Variants in ZNF257 observed in about 807,000 individuals in gnomAD.
ZNF257 encodes zinc finger protein 257.
ZNF257 carries 12 observed loss-of-function variants against 11.9 expected under a neutral mutation model. The observed-to-expected ratio is 1.01, with a 90% CI of 0.65 to 1.63. The LOEUF is 1.63. Ranked by LOEUF, ZNF257 falls within the 40% of genes most tolerant of loss-of-function variation. The probability of loss-of-function intolerance (pLI) is 0.00; values close to 1 mark genes in which losing one functional copy is unlikely to be tolerated. For missense variants in ZNF257, 580 were observed against 665.5 expected, an observed-to-expected ratio of 0.87 and a Z score of 1.41; for synonymous variants, 183 against 222.7, an observed-to-expected ratio of 0.82 and a Z score of 1.59.
At chr19:22,061,279 T>C (rs1344480300) in intron 1 of ZNF257, among the ~76,000 whole-genome samples, 1 of 152,248 alleles carries the variant, frequency 6.6e-6, no homozygotes, top group Non-Finnish European at 1.5e-5. Flanking sequence ...TCCATTTGTT[T>C]TTCATCTCTG....
At chr19:22,083,143 T>C (rs1185667420) in intron 3 of ZNF257, among the ~76,000 whole-genome samples, 2 of 152,168 alleles carry the variant, frequency 1.3e-5, no homozygotes, top group African/African-American at 4.8e-5. Context: ...ATTATTTTTC[T>C]GTGAAAGAAA....
Position 22,052,760 on chromosome 19 carries a change from T to G in ZNF257, c.3+125T>G, listed in dbSNP as rs911615468. On this transcript the variant is annotated intron_variant, in intron 1 of 3. Coordinates refer to ENST00000594947, the MANE Select transcript of ZNF257 (RefSeq NM_033468.4). ...CTACCATCTGCGCCCGAGTTTTCCT[T>G]GGCCAGCTCGGCCTCGGTCCCCCTC... is the stretch of plus-strand genomic sequence containing the variant. 9 of 1,230,864 alleles carry G rather than the reference T, an allele frequency of 7.3e-6. No homozygotes were observed. In the South Asian group the frequency reaches 1.2e-4, roughly 16 times the overall value. The allele number at this position is 1,230,864 out of a possible 1,614,324, so 76.2% of individuals were successfully genotyped here.
chr19:22,061,591 G>A (rs188747622), intron 1 of ZNF257, among the ~76,000 whole-genome samples: 1 of 149,648 alleles, frequency 6.7e-6, no homozygotes, highest in African/African-American at 2.5e-5. Flanking sequence ...CACAAAGATC[G>A]TTTGACAACC....
Position 22,088,866 on chromosome 19 carries a change from C to T in ZNF257, c.1116C>T (p.Tyr372=), listed in dbSNP as rs1599677041. The change falls in exon 4 of 4, where the codon TAC becomes TAT. Residue 372 remains tyrosine (Y), a synonymous_variant. Transcript: ENST00000594947. ...HKIIHTKEKP[Y]KCEECGKAFN... ...TAATTCATACTAAAGAGAAACCCTA[C>T]AAATGTGAAGAGTGTGGAAAAGCCT... 1 of 1,613,474 alleles carries T rather than the reference C, an allele frequency of 6.2e-7. No individual in the cohort carries two copies. The highest frequency in any genetic ancestry group is 8.5e-7 in the Non-Finnish European group (1 of 1,179,732).
chr19:22,069,151 G>A (rs944835358), intron 1 of ZNF257, among the ~76,000 whole-genome samples: 1 of 152,050 alleles, frequency 6.6e-6, no homozygotes, highest in African/African-American at 2.4e-5. Flanking sequence ...ATCTCATATG[G>A]CCATTAGAAT....
At chr19:22,055,696 G>A (rs2021612963) in intron 1 of ZNF257, among the ~76,000 whole-genome samples, 1 of 152,080 alleles carries the variant, frequency 6.6e-6, no homozygotes, top group African/African-American at 2.4e-5. Flanking sequence ...CGATTAGATG[G>A]CCTTACTTGA....
rs182155336 is a variant in ZNF257, at chr19:22,090,132, T to C, written c.*690T>C. 0.012 allele frequency: 1,868 copies of C among 152,368 alleles called. 21 individuals are homozygous for C. Among genetic ancestry groups the C allele is most frequent in the Non-Finnish European group, 0.02 (1,338 of 68,122 alleles). The allele number at this position is 152,368 out of a possible 1,614,324, so 9.4% of individuals were successfully genotyped here. A position where few individuals can be genotyped will look rare whatever the true frequency, so the allele number is the denominator to read the frequency against. ...TACAAATATAAAGAATGTGGAAAAG[T>C]CATTAATATTTGCTCACATATTACA... On this transcript the variant is annotated 3_prime_UTR_variant, in exon 4 of 4. Coordinates refer to ENST00000594947, the MANE Select transcript of ZNF257 (RefSeq NM_033468.4).
chr19:22,076,980 A>T (rs10411943), intron 3 of ZNF257, among the ~76,000 whole-genome samples: 1 of 151,888 alleles, frequency 6.6e-6, no homozygotes, highest in African/African-American at 2.4e-5. Context: ...GAGCCACCGC[A>T]CCTGTCCTAA....
rs78469303 is a variant in ZNF257, at chr19:22,086,994, C to A, written c.227-983C>A. On this transcript the variant is annotated intron_variant, in intron 3 of 3. Transcript: ENST00000594947. ...GTTAATTATCTCTTTGTATTATTTA[C>A]CTCCACAATTACTGTTTTTAAAATG... Among the ~76,000 whole-genome samples the A allele has an allele frequency of 7.3e-3, 1,105 of 151,530 alleles. 15 individuals are homozygous for A. The highest frequency in any genetic ancestry group is 0.025 in the African/African-American group (1,022 of 41,320).
rs564161487 is a variant in ZNF257 at position 22,057,513 on chromosome 19, C to T, written c.3+4878C>T. On this transcript the variant is annotated intron_variant, in intron 1 of 3. Coordinates refer to ENST00000594947, the MANE Select transcript of ZNF257 (RefSeq NM_033468.4). Reference sequence around the variant, plus strand: ...CAGTTAAGGTTAAAATAGAAGGGGTCTCAGAAGGTCTTACTGAAGATGAAG... The same window carrying T: ...CAGTTAAGGTTAAAATAGAAGGGGTTTCAGAAGGTCTTACTGAAGATGAAG... Among the ~76,000 whole-genome samples, 26 of 151,942 alleles carry T rather than the reference C, an allele frequency of 1.7e-4. 1 individual carries two copies. The South Asian group carries it at 5.4e-3, about 32-fold the overall frequency.
chr19:22,061,215 G>A (rs899197041), intron 1 of ZNF257, among the ~76,000 whole-genome samples: 9 of 152,164 alleles, frequency 5.9e-5, no homozygotes, highest in African/African-American at 2.2e-4. Context: ...TCTTTGGGCA[G>A]TATGCCCATT....
At chr19:22,056,767 C>T (rs1019669770) in intron 1 of ZNF257, among the ~76,000 whole-genome samples, 24 of 152,088 alleles carry the variant, frequency 1.6e-4, no homozygotes, top group Non-Finnish European at 3.1e-4. Flanking sequence ...TGTAAGCCAC[C>T]GCGCCCGGCC....
At chr19:22,081,252 A>G (rs530721782) in intron 3 of ZNF257, among the ~76,000 whole-genome samples, 1 of 152,096 alleles carries the variant, frequency 6.6e-6, no homozygotes, top group African/African-American at 2.4e-5. Context: ...ATATATACTC[A>G]TATACATATG....
At chr19:22,073,872 A>G (rs1023074405) in intron 3 of ZNF257, among the ~76,000 whole-genome samples, 2 of 152,160 alleles carry the variant, frequency 1.3e-5, no homozygotes, top group African/African-American at 2.4e-5. Context: ...TTTTAGGGGC[A>G]TACAAATATC....
At chr19:22,082,797 T>C (rs772812013) in intron 3 of ZNF257, among the ~76,000 whole-genome samples, 176 of 152,312 alleles carry the variant, frequency 1.2e-3, no homozygotes, top group East Asian at 4.4e-3. Flanking sequence ...TTATATATTT[T>C]AGAACATGAC....
chr19:22,078,455 GTTTA>G (rs1319983118), intron 3 of ZNF257, among the ~76,000 whole-genome samples: 1 of 151,860 alleles, frequency 6.6e-6, no homozygotes, highest in Non-Finnish European at 1.5e-5. Context: ...TTTAAGACTT[GTTTA>G]TATATTCTGA....
chr19:22,087,466 G>A, intron 3 of ZNF257: 1 of 789,092 alleles, frequency 1.3e-6, no homozygotes. Context: ...GTCTGCTGCT[G>A]TAACATTTAC....
In ZNF257 at chr19:22,079,084, C is replaced by T. The variant is rs114864357; in HGVS notation, c.226+5520C>T. 5.6e-3 allele frequency among the ~76,000 whole-genome samples: 857 copies of T among 152,154 alleles called. 6 individuals carry two copies. Among genetic ancestry groups the T allele is most frequent in the African/African-American group, 0.019 (774 of 41,494 alleles). ...TGGGATTACAGGCGTGAGCCACCAC[C>T]GCACCTGGCTGGTATCCAGTTTTCA... is the stretch of plus-strand genomic sequence containing the variant. On this transcript the variant is annotated intron_variant, in intron 3 of 3. Coordinates refer to ENST00000594947, the MANE Select transcript of ZNF257 (RefSeq NM_033468.4).
chr19:22,074,004 A>G (rs1218732564), intron 3 of ZNF257, among the ~76,000 whole-genome samples: 1 of 152,032 alleles, frequency 6.6e-6, no homozygotes, highest in Non-Finnish European at 1.5e-5. Flanking sequence ...TGCACATTTC[A>G]TCCTTTTTCT....
Sources: allele counts gnomAD v4.1 joint callset (sites outside exome capture counted in the v4.1 genomes callset), GRCh38; gene constraint gnomAD v4.1.1; transcripts MANE v1.5; gene names NCBI Gene and HGNC (gene_info 2026-07-23, HGNC 2026-07-21).